ARHGEF10L: variants seen among roughly 807,000 people sequenced by gnomAD.
ARHGEF10L encodes rho guanine nucleotide exchange factor 10-like protein.
Under a neutral mutation model 141.2 loss-of-function variants are expected in ARHGEF10L, and 69 were observed. The ratio of observed to expected loss-of-function variants is 0.49; its 90% CI spans 0.40 to 0.60. ARHGEF10L has a LOEUF of 0.60. Among genes scored for constraint, ARHGEF10L ranks in the 20% least tolerant of loss-of-function variants. The pLI, the probability that ARHGEF10L is intolerant of heterozygous loss-of-function variation, is 0.00. For missense variants in ARHGEF10L, 1,482 were observed against 1,734.3 expected, an observed-to-expected ratio of 0.85 and a Z score of 2.58; for synonymous variants, 711 against 718.5, an observed-to-expected ratio of 0.99 and a Z score of 0.17.
chr1:17,618,166 G>C, intron 9 of ARHGEF10L: 1 of 639,358 alleles, frequency 1.6e-6, no homozygotes, highest in Non-Finnish European at 2.6e-6. Flanking sequence ...GAGATGGTCC[G>C]AAGACAGGAT....
intron 25 of ARHGEF10L, among the ~76,000 whole-genome samples, chr1:17,658,034 C>T (rs1015352961): frequency 6.6e-5 from 10 of 152,342 alleles, no homozygotes; most frequent in African/African-American, 2.4e-4. Flanking sequence ...GGGTCATGTG[C>T]CCTCAGAAGG....
Position 17,603,703 on chromosome 1 carries a change from C to T in ARHGEF10L, c.433+112C>T. ...TCTGTCCCCACCTGGCCAAGTGCCC[C>T]TCCTTCTTGTCTTTAGAAACAACTG... On this transcript the variant is annotated intron_variant, in intron 6 of 28. Transcript: ENST00000361221. This position sits in a 1 kb window ranked among gnomAD's most constrained non-coding sequence, Gnocchi z 4.8. 1 of 954,190 alleles carries T rather than the reference C, an allele frequency of 1.0e-6. No homozygotes were observed. The allele number at this position is 954,190 out of a possible 1,614,324, so 59.1% of individuals were successfully genotyped here.
Position 17,607,875 on chromosome 1 carries a change from G to T in ARHGEF10L, c.507G>T (p.Trp169Cys). 1 of 1,581,144 alleles carries T rather than the reference G, an allele frequency of 6.3e-7. No individual in the cohort carries two copies. The highest frequency in any genetic ancestry group is 8.6e-7 in the Non-Finnish European group (1 of 1,165,882). ...CTCGGCAGGCGGAGGACCTAGGCTGGAGCTCCAGTGAGTTCGAGAGCTACA... is the reference window on the plus strand; with the variant it reads ...CTCGGCAGGCGGAGGACCTAGGCTGTAGCTCCAGTGAGTTCGAGAGCTACA... ...GAPRQAEDLG[W>C]SSSEFESYSE... The change falls in exon 7 of 29, where the codon TGG (tryptophan) becomes TGT (cysteine). Residue 169 changes from tryptophan (W) to cysteine (C), a missense_variant. Physicochemically the swap from Trp to Cys is radical, Grantham distance 215. Around this residue, in one of 3 missense-constraint regions of ARHGEF10L, gnomAD observed 392 missense variants for 542.1 expected, o/e 0.72. Transcript: ENST00000361221. The surrounding 1 kb of genome is among the most constrained non-coding windows in gnomAD (Gnocchi z 4.5).
At chr1:17,595,120 G>T (rs909459011) in intron 4 of ARHGEF10L, among the ~76,000 whole-genome samples, 2 of 151,564 alleles carry the variant, frequency 1.3e-5, no homozygotes, top group African/African-American at 4.9e-5. Context: ...ATCCTACCAT[G>T]ATGTGTTTCT....
intron 28 of ARHGEF10L, among the ~76,000 whole-genome samples, chr1:17,696,475 C>T (rs1204295898): frequency 6.6e-6 from 1 of 152,026 alleles, no homozygotes; most frequent in Non-Finnish European, 1.5e-5. Context: ...GAGCAGCTCC[C>T]CATGCATGAA....
intron 22 of ARHGEF10L, among the ~76,000 whole-genome samples, chr1:17,650,558 C>T (rs1010341723): frequency 1.3e-5 from 2 of 151,956 alleles, no homozygotes; most frequent in African/African-American, 2.4e-5. Context: ...CATGGTGAAA[C>T]CCTGTCTCTA....
chr1:17,612,959 T>C (rs2059624119), intron 7 of ARHGEF10L, 99 bp from the exon 8 acceptor site: 2 of 815,054 alleles, frequency 2.5e-6, no homozygotes, highest in East Asian at 5.1e-5. Flanking sequence ...GCACTTTACC[T>C]GAGTCTCCTT....
the ARHGEF10L span, among the ~76,000 whole-genome samples, chr1:17,525,421 G>A: frequency 1.3e-5 from 2 of 152,262 alleles, no homozygotes; most frequent in African/African-American, 2.4e-5. Context: ...CATTCTTCAC[G>A]CCCTGCATGA....
At chr1:17,553,542 G>A (rs1487427871) in intron 1 of ARHGEF10L, among the ~76,000 whole-genome samples, 1 of 152,126 alleles carries the variant, frequency 6.6e-6, no homozygotes, top group East Asian at 1.9e-4. Context: ...AGCACTTTGG[G>A]AGGCTGAGGT....
intron 26 of ARHGEF10L, among the ~76,000 whole-genome samples, chr1:17,665,441 A>G (rs1284441703): frequency 3.3e-5 from 5 of 152,100 alleles, no homozygotes; most frequent in Admixed American, 3.3e-4. Context: ...AAAGGGGGAA[A>G]CTGAGGCACG....
chr1:17,581,309 C>CAAAAAAAAAAA (rs71014975), intron 2 of ARHGEF10L, among the ~76,000 whole-genome samples: 1 of 69,288 alleles, frequency 1.4e-5, no homozygotes, highest in Non-Finnish European at 2.5e-5. Flanking sequence ...AAGACTGTCT[C>CAAAAAAAAAAA]AAAAAAAAAA....
chr1:17,637,240 G>A (rs545575924), intron 18 of ARHGEF10L, among the ~76,000 whole-genome samples: 1 of 152,174 alleles, frequency 6.6e-6, no homozygotes, highest in African/African-American at 2.4e-5. Flanking sequence ...TGCTGTTCAT[G>A]GGCTGCCTCA....
chr1:17,547,899 G>GCCCTAA (rs1182945854), intron 1 of ARHGEF10L, among the ~76,000 whole-genome samples: 1 of 152,208 alleles, frequency 6.6e-6, no homozygotes, highest in African/African-American at 2.4e-5. Context: ...CACAAAGGGA[G>GCCCTAA]AGGCTGTGTT....
chr1:17,557,049 A>AG (rs2077357379), intron 1 of ARHGEF10L, among the ~76,000 whole-genome samples: 1 of 151,240 alleles, frequency 6.6e-6, no homozygotes, highest in South Asian at 2.1e-4. Flanking sequence ...AAAAAAAAAA[A>AG]AAAGAAAATG....
intron 25 of ARHGEF10L, among the ~76,000 whole-genome samples, chr1:17,657,637 CT>C (rs1444494783): frequency 6.6e-6 from 1 of 151,988 alleles, no homozygotes; most frequent in Admixed American, 6.5e-5. Context: ...CCACTTGGCA[CT>C]GTGTTGGTAT....
In ARHGEF10L at chr1:17,603,620, C is replaced by T. The variant is rs374456208; in HGVS notation, c.433+29C>T. The stretch of plus-strand genomic sequence containing the variant: ...TGATGTCTGCAGTGCTTCCCTGTTT[C>T]TCTTGGGGACAGGGGAGGGAGGCTG... On this transcript the variant is annotated intron_variant, in intron 6 of 28. Coordinates refer to ENST00000361221, the MANE Select transcript of ARHGEF10L (RefSeq NM_018125.4). This position sits in a 1 kb window ranked among gnomAD's most constrained non-coding sequence, Gnocchi z 4.8. The T allele has an allele frequency of 4.5e-6, 7 of 1,572,744 alleles. No homozygotes were observed. The African/African-American group carries it at 9.5e-5, about 21-fold the overall frequency.
chr1:17,532,664 G>A, the ARHGEF10L span, among the ~76,000 whole-genome samples: 5 of 148,642 alleles, frequency 3.4e-5, no homozygotes, highest in African/African-American at 1.0e-4. Flanking sequence ...GCGTGATCTC[G>A]GCTCACTGCA....
intron 1 of ARHGEF10L, among the ~76,000 whole-genome samples, chr1:17,571,000 G>C (rs549711391): frequency 9.2e-5 from 14 of 152,202 alleles, no homozygotes; most frequent in Admixed American, 4.6e-4. Flanking sequence ...GCACGTTAAG[G>C]CTGAGATGCC....
the ARHGEF10L span, among the ~76,000 whole-genome samples, chr1:17,516,979 G>T: frequency 6.6e-6 from 1 of 152,184 alleles, no homozygotes; most frequent in Admixed American, 6.5e-5. Flanking sequence ...CTCCTGCATG[G>T]TTGTATTCCT....
Sources: gnomAD v4.1 joint callset for allele counts (sites outside exome capture counted in the v4.1 genomes callset) on GRCh38, gnomAD v4.1.1 for gene constraint, gnomAD v4.1.1 regional missense constraint, Gnocchi (gnomAD v3.1) non-coding constraint, MANE v1.5 for transcripts, NCBI Gene and HGNC (gene_info 2026-07-23, HGNC 2026-07-21) for gene names.